Variants in RASSF4 observed in about 807,000 individuals in gnomAD.
RASSF4 encodes the protein Ras association domain family member 4.
RASSF4 carries 38 observed loss-of-function variants against 41.1 expected under a neutral mutation model. The observed-to-expected ratio is 0.92, with a 90% CI of 0.71 to 1.21. The LOEUF (loss-of-function observed/expected upper bound fraction) is 1.21. Among genes scored for constraint, RASSF4 ranks in the 50% most tolerant of loss-of-function variants. The pLI, the probability that RASSF4 is intolerant of heterozygous loss-of-function variation, is 0.00. For synonymous variants in RASSF4, 179 were observed against 163.4 expected (o/e 1.10, Z -0.73); for missense variants, 414 against 419.4 (o/e 0.99, Z 0.11).
chr10:44,970,493 CAG>C, intron 2 of RASSF4: 1 of 554,510 alleles, frequency 1.8e-6, no homozygotes, highest in South Asian at 2.5e-5. Context: ...CTCCAGATGG[CAG>C]GCACTTTATA....
At chr10:44,977,823 C>G in intron 3 of RASSF4, 1 of 1,604,744 alleles carries the variant, frequency 6.2e-7, no homozygotes, top group Non-Finnish European at 8.5e-7. Context: ...CAGGCCTGGG[C>G]TGGCCTGTGG....
intron 3 of RASSF4, among the ~76,000 whole-genome samples, chr10:44,980,459 G>C (rs1443135056): frequency 6.6e-6 from 1 of 152,180 alleles, no homozygotes. Context: ...GTGAACAGTG[G>C]GCGGCTATGC....
chr10:44,974,785 C>T (rs751262085), intron 3 of RASSF4, among the ~76,000 whole-genome samples: 35 of 152,256 alleles, frequency 2.3e-4, no homozygotes, highest in Admixed American at 5.2e-4. Flanking sequence ...CCTTGTGAGC[C>T]TTCTCCCCGC....
intron 6 of RASSF4, among the ~76,000 whole-genome samples, chr10:44,987,339 C>T (rs1457020966): frequency 6.6e-6 from 1 of 152,162 alleles, no homozygotes; most frequent in African/African-American, 2.4e-5. Context: ...CCTCGTGATC[C>T]GCCCGCCTTT....
intron 4 of RASSF4, chr10:44,982,958 A>G (rs1681384144): frequency 1.2e-5 from 8 of 658,484 alleles, no homozygotes; most frequent in East Asian, 9.5e-5. Flanking sequence ...GGCTCCCAAC[A>G]CCTATGCAAG....
chr10:44,963,361 G>A (rs1840780603), intron 1 of RASSF4, among the ~76,000 whole-genome samples: 1 of 152,154 alleles, frequency 6.6e-6, no homozygotes, highest in African/African-American at 2.4e-5. Context: ...TTGGCTGAGG[G>A]TACCCCCTCA....
intron 4 of RASSF4, chr10:44,983,615 G>A (rs1324308615): frequency 4.7e-6 from 1 of 210,810 alleles, no homozygotes; most frequent in Non-Finnish European, 9.6e-6. Context: ...CAAGAGGCCT[G>A]GAGGTTGGGC....
chr10:44,961,104 G>A (rs1281258137), intron 1 of RASSF4, among the ~76,000 whole-genome samples: 2 of 152,210 alleles, frequency 1.3e-5, no homozygotes, highest in African/African-American at 2.4e-5. Context: ...AATGCTGGCC[G>A]GAAATTGTCA....
rs1024350025 is a variant in RASSF4, at chr10:44,971,861, C to G, written c.138+13C>G. 29 of 1,599,864 alleles carry G rather than the reference C, an allele frequency of 1.8e-5. No homozygotes were observed. Among genetic ancestry groups the G allele is most frequent in the Non-Finnish European group, 9.4e-6 (11 of 1,169,106 alleles). On this transcript the variant is annotated intron_variant, in intron 3 of 10. Transcript: ENST00000340258. ...GAGACACCGTGAGGTGAGCCTGTTG[C>G]TCTTGTTCATGGGGTCACCATGTAC... is the stretch of plus-strand genomic sequence containing the variant.
intron 9 of RASSF4, 63 bp from the exon 10 acceptor site, chr10:44,991,842 G>C: frequency 8.4e-7 from 1 of 1,187,856 alleles, no homozygotes; most frequent in South Asian, 1.3e-5. Flanking sequence ...AAGCCTTGAG[G>C]AAAAGAAAAC....
At chr10:44,981,786 C>T (rs1399429717) in intron 3 of RASSF4, 2 of 152,282 alleles carry the variant, frequency 1.3e-5, no homozygotes, top group Admixed American at 1.3e-4. Context: ...GGGGTGCCAA[C>T]CAGCACTACT....
intron 3 of RASSF4, among the ~76,000 whole-genome samples, chr10:44,980,703 G>T (rs1234275615): frequency 1.3e-5 from 2 of 152,166 alleles, no homozygotes; most frequent in Non-Finnish European, 2.9e-5. Context: ...GCCCCTCGTG[G>T]CCAGGGCTGT....
chr10:44,989,217 T>G, intron 6 of RASSF4, 57 bp from the exon 7 acceptor site: 1 of 1,087,286 alleles, frequency 9.2e-7, no homozygotes, highest in Non-Finnish European at 1.4e-6. Context: ...ACCGTTGTGA[T>G]GTCAGTCCCT....
chr10:44,991,769 G>C, intron 9 of RASSF4, 136 bp from the exon 10 acceptor site: 1 of 625,522 alleles, frequency 1.6e-6, no homozygotes, highest in Admixed American at 2.6e-5. Context: ...GTGTGGGGGT[G>C]GGGTGGGAAA....
intron 3 of RASSF4, among the ~76,000 whole-genome samples, chr10:44,972,741 A>T (rs883734): frequency 0.51 from 76,899 of 151,872 alleles, 21,830 homozygotes; most frequent in Non-Finnish European, 0.64. Context: ...GGCAAGTCTT[A>T]TCGTGGTGAG....
At position 44,985,381 on chromosome 10, in the gene RASSF4, C is replaced by T. The variant is rs115341891; in HGVS notation, c.531+411C>T. Among the ~76,000 whole-genome samples the T allele has an allele frequency of 5.1e-3, 778 of 152,324 alleles. 8 individuals carry two copies. Among genetic ancestry groups the T allele is most frequent in the African/African-American group, 0.017 (719 of 41,568 alleles). Reference sequence around the variant, plus strand: ...GTGTCTGTGCCCCAGAGAACCTGGACGACCCCAGATTCCCAGCACACAGCC... The same window carrying T: ...GTGTCTGTGCCCCAGAGAACCTGGATGACCCCAGATTCCCAGCACACAGCC... On this transcript the variant is annotated intron_variant, in intron 6 of 10. Coordinates refer to ENST00000340258, the MANE Select transcript of RASSF4 (RefSeq NM_032023.4).
intron 8 of RASSF4, 70 bp from the exon 9 acceptor site, chr10:44,990,878 G>A: frequency 2.6e-6 from 4 of 1,539,374 alleles, no homozygotes; most frequent in Non-Finnish European, 3.5e-6. Flanking sequence ...TTTTCTATCA[G>A]TTCCTAATCT....
Position 44,970,195 on chromosome 10 carries a change from A to G in RASSF4, c.-8A>G. ...AACTTCTAGGTCTGCAGACAAGAGG[A>G]AGAGAAGATGAAGGAAGACTGTCTG... On this transcript the variant is annotated 5_prime_UTR_variant, in exon 2 of 11. Coordinates refer to ENST00000340258, the MANE Select transcript of RASSF4 (RefSeq NM_032023.4). 6.2e-7 allele frequency: 1 copy of G among 1,612,870 alleles called. No individual in the cohort carries two copies. The highest frequency in any genetic ancestry group is 8.5e-7 in the Non-Finnish European group (1 of 1,178,872).
At chr10:44,967,303 G>T (rs915115605) in intron 1 of RASSF4, among the ~76,000 whole-genome samples, 5 of 152,208 alleles carry the variant, frequency 3.3e-5, no homozygotes, top group African/African-American at 9.6e-5. Context: ...CTGCTGGCCT[G>T]GAAGGGACCC....
Sources: gnomAD v4.1 joint callset for allele counts (sites outside exome capture counted in the v4.1 genomes callset) on GRCh38, gnomAD v4.1.1 for gene constraint, MANE v1.5 for transcripts, NCBI Gene and HGNC (gene_info 2026-07-23, HGNC 2026-07-21) for gene names.